Variants in ZNF609 observed in about 807,000 individuals in gnomAD.
ZNF609 encodes the protein zinc finger protein 609.
ZNF609 carries 11 observed loss-of-function variants against 109.5 expected under a neutral mutation model. That is an observed-to-expected ratio of 0.10 (90% CI 0.06 to 0.17). The LOEUF (loss-of-function observed/expected upper bound fraction) is 0.17. ZNF609 is among the 10% of genes least tolerant of loss of function. The probability of loss-of-function intolerance (pLI) is 1.00; values close to 1 mark genes in which losing one functional copy is unlikely to be tolerated. For synonymous variants in ZNF609, 646 were observed against 662.0 expected (o/e 0.98, Z 0.37); for missense variants, 1,559 against 1,772.4 (o/e 0.88, Z 2.16).
chr15:64,613,637 G>A (rs146007547), intron 2 of ZNF609, among the ~76,000 whole-genome samples: 57 of 152,070 alleles, frequency 3.7e-4, no homozygotes, highest in African/African-American at 1.4e-3. Context: ...TGCAGCCGCC[G>A]CCTGCCGGGT....
chr15:64,594,335 AT>A (rs35919259), intron 2 of ZNF609, among the ~76,000 whole-genome samples: 482 of 144,680 alleles, frequency 3.3e-3, no homozygotes, highest in Middle Eastern at 7.2e-3. Flanking sequence ...AATGCTCAAA[AT>A]TTTTTTTTTT....
chr15:64,669,438 A>G (rs775538029), intron 3 of ZNF609, among the ~76,000 whole-genome samples: 4 of 152,226 alleles, frequency 2.6e-5, no homozygotes, highest in African/African-American at 9.6e-5. Flanking sequence ...GTATATTGCT[A>G]TCATTTAAGG....
At chr15:64,541,697 G>C (rs558542464) in intron 2 of ZNF609, among the ~76,000 whole-genome samples, 37 of 151,078 alleles carry the variant, frequency 2.4e-4, no homozygotes, top group African/African-American at 8.5e-4. Flanking sequence ...ACAATTAGCC[G>C]GGCCTCGTGG....
chr15:64,529,250 A>T, intron 2 of ZNF609: 2 of 716,054 alleles, frequency 2.8e-6, no homozygotes, highest in Non-Finnish European at 5.1e-6. Context: ...GGCTGTTGTC[A>T]TACTTCTCAT....
chr15:64,548,335 A>G (rs993804488), intron 2 of ZNF609, among the ~76,000 whole-genome samples: 64 of 152,248 alleles, frequency 4.2e-4, no homozygotes, highest in African/African-American at 1.5e-3. Context: ...ACTTTTGAAT[A>G]ATTTTACTCG....
At chr15:64,572,138 A>G (rs528859977) in intron 2 of ZNF609, among the ~76,000 whole-genome samples, 1 of 152,300 alleles carries the variant, frequency 6.6e-6, no homozygotes, top group African/African-American at 2.4e-5. Context: ...GCCTGAGGGG[A>G]AATGGGTTTG....
chr15:64,564,957 C>A (rs1197444459), intron 2 of ZNF609, among the ~76,000 whole-genome samples: 1 of 151,936 alleles, frequency 6.6e-6, no homozygotes, highest in Non-Finnish European at 1.5e-5. Flanking sequence ...ACGCCATTCT[C>A]CTGTCTCAGC....
chr15:64,598,497 A>T (rs1354850047), intron 2 of ZNF609, among the ~76,000 whole-genome samples: 1 of 151,828 alleles, frequency 6.6e-6, no homozygotes, highest in Non-Finnish European at 1.5e-5. Flanking sequence ...TTAATTTTTT[A>T]ATTTTCTAAC....
At chr15:64,597,919 T>C (rs974016354) in intron 2 of ZNF609, among the ~76,000 whole-genome samples, 3 of 152,148 alleles carry the variant, frequency 2.0e-5, no homozygotes, top group Non-Finnish European at 2.9e-5. Context: ...CCTACCCTTA[T>C]AGTAAGCCTT....
chr15:64,471,000 C>A (rs1893083595), intron 1 of ZNF609, among the ~76,000 whole-genome samples: 1 of 152,086 alleles, frequency 6.6e-6, no homozygotes, highest in Non-Finnish European at 1.5e-5. Context: ...GTTAACATAG[C>A]AAAATCATAG....
chr15:64,555,095 C>CAAAAA (rs71133440), intron 2 of ZNF609, among the ~76,000 whole-genome samples: 1 of 142,688 alleles, frequency 7.0e-6, no homozygotes, highest in Non-Finnish European at 1.5e-5. Flanking sequence ...GACACCATCT[C>CAAAAA]AAAAAAAAAA....
At position 64,675,323 on chromosome 15, in the gene ZNF609, T is replaced by G; in HGVS notation, c.2469T>G (p.Thr823=). Residue 823 remains threonine, a synonymous_variant, in exon 5 of 10, where the codon ACT becomes ACG. Coordinates refer to ENST00000326648, the MANE Select transcript of ZNF609 (RefSeq NM_015042.2). ...ACACTACCCCTACTCAGCCCCTGACTCCCTTACATGTGGTGACCCAGAATG... is the reference window on the plus strand; with the variant it reads ...ACACTACCCCTACTCAGCCCCTGACGCCCTTACATGTGGTGACCCAGAATG... ...LENTTPTQPL[T]PLHVVTQNGA... is the part of the protein sequence containing the mutation. 1 of 1,613,954 alleles carries G rather than the reference T, an allele frequency of 6.2e-7. No homozygotes were observed. Among genetic ancestry groups the G allele is most frequent in the Non-Finnish European group, 8.5e-7 (1 of 1,179,946 alleles).
intron 2 of ZNF609, among the ~76,000 whole-genome samples, chr15:64,506,475 C>G (rs941016040): frequency 6.7e-6 from 1 of 148,576 alleles, no homozygotes; most frequent in African/African-American, 2.5e-5. Context: ...AATCCCAGCA[C>G]TTTGGGAGGC....
chr15:64,619,374 T>C (rs1182839544), intron 2 of ZNF609, among the ~76,000 whole-genome samples: 2 of 152,210 alleles, frequency 1.3e-5, no homozygotes, highest in Non-Finnish European at 2.9e-5. Flanking sequence ...TAATAGAATA[T>C]GAAATCCTGT....
At chr15:64,626,855 T>G (rs1895970965) in intron 3 of ZNF609, among the ~76,000 whole-genome samples, 1 of 152,184 alleles carries the variant, frequency 6.6e-6, no homozygotes, top group Non-Finnish European at 1.5e-5. Context: ...AAGACCCAAG[T>G]GTAACCTAGA....
At chr15:64,519,109 G>A (rs1893855692) in intron 2 of ZNF609, among the ~76,000 whole-genome samples, 1 of 138,622 alleles carries the variant, frequency 7.2e-6, no homozygotes, top group Non-Finnish European at 1.6e-5. Flanking sequence ...CATTCTTGGC[G>A]GGTGCAGGGC....
intron 2 of ZNF609, among the ~76,000 whole-genome samples, chr15:64,578,949 C>CT (rs1312400894): frequency 6.6e-6 from 1 of 152,082 alleles, no homozygotes; most frequent in Admixed American, 6.6e-5. Context: ...CTGCAGTGAG[C>CT]TTTGATAGGG....
chr15:64,648,611 C>T (rs1030270220), intron 3 of ZNF609, among the ~76,000 whole-genome samples: 1 of 151,900 alleles, frequency 6.6e-6, no homozygotes, highest in African/African-American at 2.4e-5. Context: ...TTTCCAGTTC[C>T]TCGTCTGTAA....
At chr15:64,503,215 CAG>C (rs1280548546) in intron 2 of ZNF609, among the ~76,000 whole-genome samples, 2 of 152,222 alleles carry the variant, frequency 1.3e-5, no homozygotes, top group Admixed American at 6.5e-5. Context: ...CTTCCTCTGA[CAG>C]AGTGAGCTCT....
Sources: allele counts gnomAD v4.1 joint callset (sites outside exome capture counted in the v4.1 genomes callset), GRCh38; gene constraint gnomAD v4.1.1; transcripts MANE v1.5; gene names NCBI Gene and HGNC (gene_info 2026-07-23, HGNC 2026-07-21).